TANC1: variants seen among roughly 807,000 people sequenced by gnomAD.
TANC1 encodes the protein protein TANC1.
In TANC1, 77 loss-of-function variants were observed where a neutral mutation model predicts 149.7. The ratio of observed to expected loss-of-function variants is 0.51; its 90% CI spans 0.43 to 0.62. TANC1 has a LOEUF of 0.62. TANC1 is among the 20% of genes least tolerant of loss of function. The probability of loss-of-function intolerance (pLI) is 0.00; values close to 1 mark genes in which losing one functional copy is unlikely to be tolerated. For missense variants in TANC1, 1,985 were observed against 2,321.8 expected (o/e 0.85, Z 2.98); for synonymous variants, 854 against 925.0 (o/e 0.92, Z 1.39).
chr2:159,199,660 C>T (rs1301921183), intron 19 of TANC1, among the ~76,000 whole-genome samples: 2 of 152,214 alleles, frequency 1.3e-5, no homozygotes, highest in Admixed American at 6.5e-5. Context: ...TTCCAGTTTT[C>T]CACTTGACTG....
intron 1 of TANC1, among the ~76,000 whole-genome samples, chr2:158,985,459 C>T (rs774826899): frequency 3.5e-4 from 54 of 152,180 alleles, no homozygotes; most frequent in Non-Finnish European, 1.2e-4. Context: ...AATAGGCAGG[C>T]GCTCTGCAGG....
chr2:159,114,256 T>G (rs1017544621), intron 4 of TANC1, among the ~76,000 whole-genome samples: 3 of 152,114 alleles, frequency 2.0e-5, no homozygotes, highest in African/African-American at 7.2e-5. Flanking sequence ...AGGACAGATG[T>G]GGCCTGGCTG....
At chr2:159,068,810 A>C (rs949840373) in intron 3 of TANC1, among the ~76,000 whole-genome samples, 20 of 151,988 alleles carry the variant, frequency 1.3e-4, no homozygotes, top group African/African-American at 4.8e-4. Flanking sequence ...CACCATCTCC[A>C]CTCACTGCAA....
At chr2:159,213,199 C>T (rs562399885) in intron 19 of TANC1, among the ~76,000 whole-genome samples, 30 of 152,142 alleles carry the variant, frequency 2.0e-4, no homozygotes, top group East Asian at 9.7e-4. Context: ...AATCTTTATG[C>T]GAAAAGGCAT....
chr2:159,204,292 G>A (rs1202970308), intron 19 of TANC1, among the ~76,000 whole-genome samples: 2 of 152,140 alleles, frequency 1.3e-5, no homozygotes, highest in Non-Finnish European at 2.9e-5. Context: ...AAGGGGCCTG[G>A]TCACTCATAA....
chr2:159,198,396 G>A (rs928761055), intron 18 of TANC1, among the ~76,000 whole-genome samples: 1 of 152,136 alleles, frequency 6.6e-6, no homozygotes, highest in African/African-American at 2.4e-5. Context: ...CCCGTTGCTC[G>A]CTGCTGTTGC....
At chr2:159,067,129 CT>C (rs1329948986) in intron 3 of TANC1, among the ~76,000 whole-genome samples, 1 of 152,170 alleles carries the variant, frequency 6.6e-6, no homozygotes, top group Non-Finnish European at 1.5e-5. Context: ...ATGGTTAACT[CT>C]TTAATTCAAA....
chr2:159,055,613 C>T (rs1023394790), intron 2 of TANC1, among the ~76,000 whole-genome samples: 1 of 152,216 alleles, frequency 6.6e-6, no homozygotes, highest in Non-Finnish European at 1.5e-5. Flanking sequence ...ACTCTTTCAA[C>T]TTCCTCATTC....
intron 20 of TANC1, among the ~76,000 whole-genome samples, chr2:159,218,663 T>C (rs1029575671): frequency 2.0e-5 from 3 of 152,200 alleles, no homozygotes; most frequent in East Asian, 1.9e-4. Context: ...CCCAAACTTA[T>C]GACTATGCAT....
intron 2 of TANC1, among the ~76,000 whole-genome samples, chr2:159,063,370 C>A (rs2042406580): frequency 6.6e-6 from 1 of 152,212 alleles, no homozygotes; most frequent in Non-Finnish European, 1.5e-5. Context: ...GACCATCCCC[C>A]TTTCAGTGGG....
At chr2:159,075,473 G>A (rs1255771818) in intron 3 of TANC1, among the ~76,000 whole-genome samples, 1 of 151,864 alleles carries the variant, frequency 6.6e-6, no homozygotes, top group Non-Finnish European at 1.5e-5. Flanking sequence ...CTACTTAGGA[G>A]GCTGATGTGG....
chr2:159,071,880 T>C (rs1457055987), intron 3 of TANC1, among the ~76,000 whole-genome samples: 5 of 152,232 alleles, frequency 3.3e-5, no homozygotes, highest in Non-Finnish European at 7.3e-5. Context: ...AATAATTCAG[T>C]ATAAAGGTAT....
At chr2:159,171,852 G>A (rs1406969815) in intron 10 of TANC1, among the ~76,000 whole-genome samples, 9 of 8,916 alleles carry the variant, frequency 1.0e-3, no homozygotes, top group South Asian at 2.6e-3. Context: ...GTGAGACTCC[G>A]CCTTAAAAAA....
At chr2:159,226,705 G>A (rs1214641733) in intron 24 of TANC1, 1 of 152,184 alleles carries the variant, frequency 6.6e-6, no homozygotes, top group Non-Finnish European at 1.5e-5. Context: ...CATCAGTTTA[G>A]GTCAGAGGTC....
At chr2:159,112,782 G>A (rs2047878434) in intron 4 of TANC1, among the ~76,000 whole-genome samples, 1 of 151,810 alleles carries the variant, frequency 6.6e-6, no homozygotes, top group African/African-American at 2.4e-5. Flanking sequence ...GGGTTCTGCT[G>A]TGTTGCCAGG....
At chr2:159,004,034 T>C (rs2036892240) in intron 2 of TANC1, 4 of 1,612,216 alleles carry the variant, frequency 2.5e-6, no homozygotes, top group Non-Finnish European at 3.4e-6. Context: ...TTAAAGATGA[T>C]GGGACAGTTA....
intron 1 of TANC1, among the ~76,000 whole-genome samples, chr2:158,992,024 T>C (rs2035682342): frequency 6.6e-6 from 1 of 152,134 alleles, no homozygotes; most frequent in South Asian, 2.1e-4. Context: ...GAATTATAAA[T>C]GTTAAGTGAT....
In TANC1 at chr2:159,183,889, C is replaced by T. The variant is rs930329013; in HGVS notation, c.2511-1902C>T. On this transcript the variant is annotated intron_variant, in intron 14 of 26. Transcript: ENST00000263635. ...GCACCCAGTTAACTGACTTGCATAT[C>T]GTTTGCGTGTCCCCTCCCATTGCTT... is the stretch of plus-strand genomic sequence containing the variant. Among the ~76,000 whole-genome samples, 48 of 152,122 alleles carry T rather than the reference C, an allele frequency of 3.2e-4. 1 individual carries two copies.
At chr2:159,101,098 T>C (rs2046645969) in intron 4 of TANC1, among the ~76,000 whole-genome samples, 2 of 152,180 alleles carry the variant, frequency 1.3e-5, no homozygotes, top group African/African-American at 4.8e-5. Context: ...GAAACTACCT[T>C]GATGACTTTT....
Sources: gnomAD v4.1 joint callset for allele counts (sites outside exome capture counted in the v4.1 genomes callset) on GRCh38, gnomAD v4.1.1 for gene constraint, MANE v1.5 for transcripts, NCBI Gene and HGNC (gene_info 2026-07-23, HGNC 2026-07-21) for gene names.